Variants in VEPH1 observed in about 807,000 individuals in gnomAD.
VEPH1 encodes the protein ventricular zone expressed PH domain containing 1.
Under a neutral mutation model 85.2 loss-of-function variants are expected in VEPH1, and 80 were observed. The observed-to-expected ratio is 0.94, with a 90% CI of 0.78 to 1.13. The LOEUF is 1.13. Ranked by LOEUF, VEPH1 falls within the 50% of genes most tolerant of loss-of-function variation. VEPH1 has a pLI of 0.00. For missense variants in VEPH1, 955 were observed against 980.5 expected (o/e 0.97, Z 0.35); for synonymous variants, 297 against 348.0 (o/e 0.85, Z 1.63).
chr3:157,325,355 T>C (rs1209099745), intron 9 of VEPH1, among the ~76,000 whole-genome samples: 1 of 152,202 alleles, frequency 6.6e-6, no homozygotes, highest in African/African-American at 2.4e-5. Flanking sequence ...TAGATCTCAT[T>C]TGTGAATTTT....
At position 157,356,617 on chromosome 3, in the gene VEPH1, G is replaced by A. The variant is rs535839302; in HGVS notation, c.1735+6747C>T. 7.7e-4 allele frequency among the ~76,000 whole-genome samples: 117 copies of A among 152,016 alleles called. 5 individuals carry two copies. The highest frequency in any genetic ancestry group is 3.1e-4 in the Non-Finnish European group (21 of 68,020). ...GTCTTATCAAAACCCTTCACCCAGCGATATAATCTCTTTTCAGTTTCCTGG... is the reference window on the plus strand; with the variant it reads ...GTCTTATCAAAACCCTTCACCCAGCAATATAATCTCTTTTCAGTTTCCTGG... On this transcript the variant is annotated intron_variant, in intron 9 of 13. Transcript: ENST00000362010.
At chr3:157,422,626 C>T (rs1177338601) in intron 5 of VEPH1, among the ~76,000 whole-genome samples, 2 of 152,178 alleles carry the variant, frequency 1.3e-5, no homozygotes, top group Non-Finnish European at 2.9e-5. Context: ...CCACTCCTCA[C>T]CCCAAACTCT....
At chr3:157,472,711 C>T (rs1036844008) in intron 2 of VEPH1, among the ~76,000 whole-genome samples, 1 of 152,140 alleles carries the variant, frequency 6.6e-6, no homozygotes, top group African/African-American at 2.4e-5. Context: ...GTGTTGTTCC[C>T]CTCTGTGTGT....
At chr3:157,327,681 A>C (rs1317859641) in intron 9 of VEPH1, among the ~76,000 whole-genome samples, 1 of 152,122 alleles carries the variant, frequency 6.6e-6, no homozygotes, top group Non-Finnish European at 1.5e-5. Flanking sequence ...GTGAGGGCGA[A>C]ATCAAATAAC....
intron 9 of VEPH1, among the ~76,000 whole-genome samples, chr3:157,355,656 CTGAAG>C (rs1725344494): frequency 6.6e-6 from 1 of 152,200 alleles, no homozygotes. Flanking sequence ...AACATCTAAA[CTGAAG>C]TGATCATCTG....
At chr3:157,500,547 T>G (rs1255828530) in intron 1 of VEPH1, among the ~76,000 whole-genome samples, 1 of 152,222 alleles carries the variant, frequency 6.6e-6, no homozygotes, top group Non-Finnish European at 1.5e-5. Flanking sequence ...CCTTGAAGAA[T>G]TCCTTTATAA....
intron 2 of VEPH1, among the ~76,000 whole-genome samples, chr3:157,484,232 A>C (rs1450156312): frequency 3.3e-5 from 5 of 152,202 alleles, no homozygotes; most frequent in Non-Finnish European, 7.3e-5. Context: ...GGGCAAAAAT[A>C]AGGACTTTTT....
rs978185603 is a variant in VEPH1, at chr3:157,495,418, A to G, written c.-69T>C. The G allele has an allele frequency of 3.8e-6, 6 of 1,578,918 alleles. No individual in the cohort carries two copies. Among genetic ancestry groups the G allele is most frequent in the Non-Finnish European group, 8.6e-7 (1 of 1,164,614 alleles). On this transcript the variant is annotated 5_prime_UTR_variant, in exon 2 of 14. It removes the in-frame stop codon of an upstream open reading frame in the 5' UTR. Coordinates refer to ENST00000362010, the MANE Select transcript of VEPH1 (RefSeq NM_001167912.2). Reference sequence around the variant, plus strand: ...TCATGTGTTCCAGTTATCAGAGGTCAGTAAGACAAAAACATGTAGAAGGAG... The same window carrying G: ...TCATGTGTTCCAGTTATCAGAGGTCGGTAAGACAAAAACATGTAGAAGGAG...
At chr3:157,285,391 A>G (rs1488813554) in intron 12 of VEPH1, 1 of 152,178 alleles carries the variant, frequency 6.6e-6, no homozygotes. Flanking sequence ...AGCCCTACAC[A>G]TCTCCATCTG....
chr3:157,413,466 G>A, intron 6 of VEPH1: 1 of 985,366 alleles, frequency 1.0e-6, no homozygotes, highest in Non-Finnish European at 1.2e-6. Context: ...GGTCTCCTGG[G>A]TTAAGAGAAA....
intron 10 of VEPH1, chr3:157,316,255 T>C (rs200270571): frequency 6.6e-6 from 1 of 152,110 alleles, no homozygotes; most frequent in African/African-American, 2.4e-5. Flanking sequence ...TGTCATATCA[T>C]TTGGCTTTTC....
chr3:157,381,155 C>G lies in VEPH1; in HGVS notation c.1127+1G>C, dbSNP rs748694981. 2 of 1,613,016 alleles carry G rather than the reference C, an allele frequency of 1.2e-6. No individual in the cohort carries two copies. Among genetic ancestry groups the G allele is most frequent in the East Asian group, 2.2e-5 (1 of 44,870 alleles). The stretch of plus-strand genomic sequence containing the variant: ...TGAGGTACACAGAAGCTCTTGCTCA[C>G]CTGCCACTTCCAGCCTTGGTATTTT... On this transcript the variant is annotated splice_donor_variant, in intron 7 of 13. Transcript: ENST00000362010. LOFTEE classifies it high-confidence loss of function.
chr3:157,408,892 G>A (rs1387871471), intron 6 of VEPH1, among the ~76,000 whole-genome samples: 1 of 152,094 alleles, frequency 6.6e-6, no homozygotes, highest in African/African-American at 2.4e-5. Context: ...CAGGTAAGAG[G>A]TGAAGCTACA....
rs904396701 is a variant in VEPH1, at chr3:157,323,840, T to C, written c.1736-6639A>G. Among the ~76,000 whole-genome samples, 15 of 152,210 alleles carry C rather than the reference T, an allele frequency of 9.9e-5. 1 individual carries two copies. The highest frequency in any genetic ancestry group is 2.2e-4 in the Non-Finnish European group (15 of 68,016). On this transcript the variant is annotated intron_variant, in intron 9 of 13. Coordinates refer to ENST00000362010, the MANE Select transcript of VEPH1 (RefSeq NM_001167912.2). ...TTGTATTGTTATGTGAAAACATATA[T>C]AAAAGCATAAGAAAAGGTCTGTAAA...
intron 4 of VEPH1, among the ~76,000 whole-genome samples, chr3:157,456,262 C>A (rs1402938496): frequency 6.6e-6 from 1 of 151,984 alleles, no homozygotes; most frequent in African/African-American, 2.4e-5. Context: ...GGATATTAGA[C>A]CTTTGTCAGA....
intron 9 of VEPH1, among the ~76,000 whole-genome samples, chr3:157,357,719 C>T (rs1226424434): frequency 8.5e-5 from 13 of 152,184 alleles, no homozygotes; most frequent in Non-Finnish European, 4.4e-5. Context: ...TCTCGAACTC[C>T]TGACCTCAGG....
chr3:157,455,932 G>A (rs937676478), intron 4 of VEPH1, among the ~76,000 whole-genome samples: 1 of 152,052 alleles, frequency 6.6e-6, no homozygotes, highest in Non-Finnish European at 1.5e-5. Context: ...TATTTCTTTG[G>A]GTATATACCC....
intron 6 of VEPH1, among the ~76,000 whole-genome samples, chr3:157,396,946 T>A (rs895913381): frequency 7.9e-5 from 12 of 152,178 alleles, no homozygotes; most frequent in African/African-American, 2.9e-4. Flanking sequence ...TTTAATTAGA[T>A]CCCATTTGTC....
chr3:157,262,300 A>G (rs1463057543), intron 13 of VEPH1, among the ~76,000 whole-genome samples: 1 of 152,180 alleles, frequency 6.6e-6, no homozygotes, highest in Non-Finnish European at 1.5e-5. Context: ...TACATTTTCA[A>G]TAATATTTCA....
Sources: allele counts gnomAD v4.1 joint callset (sites outside exome capture counted in the v4.1 genomes callset), GRCh38; gene constraint gnomAD v4.1.1; transcripts MANE v1.5; gene names NCBI Gene and HGNC (gene_info 2026-07-23, HGNC 2026-07-21).